KCNQ5: variants seen among roughly 807,000 people sequenced by gnomAD.
The protein encoded by KCNQ5 is potassium voltage-gated channel subfamily KQT member 5.
KCNQ5 carries 30 observed loss-of-function variants against 98.2 expected under a neutral mutation model. The observed-to-expected ratio is 0.31, with a 90% CI of 0.23 to 0.41. The LOEUF (loss-of-function observed/expected upper bound fraction) is 0.41. KCNQ5 is among the 10% of genes least tolerant of loss of function. The pLI, the probability that KCNQ5 is intolerant of heterozygous loss-of-function variation, is 1.00. For synonymous variants in KCNQ5, 458 were observed against 449.4 expected (o/e 1.02, Z -0.24); for missense variants, 835 against 1,182.5 (o/e 0.71, Z 4.31).
At chr6:72,920,857 GCTT>G (rs1447598233) in intron 1 of KCNQ5, among the ~76,000 whole-genome samples, 1 of 152,042 alleles carries the variant, frequency 6.6e-6, no homozygotes, top group Non-Finnish European at 1.5e-5. Flanking sequence ...CACCTATCTG[GCTT>G]CAATAGATGT....
intron 1 of KCNQ5, among the ~76,000 whole-genome samples, chr6:72,855,523 C>A (rs1562027049): frequency 2.0e-5 from 3 of 151,950 alleles, no homozygotes; most frequent in African/African-American, 4.8e-5. Flanking sequence ...TATTTGTAGA[C>A]AAAGCTAGAA....
At chr6:72,979,832 C>A (rs1192565474) in intron 1 of KCNQ5, among the ~76,000 whole-genome samples, 1 of 152,090 alleles carries the variant, frequency 6.6e-6, no homozygotes, top group Admixed American at 6.6e-5. Context: ...GTCTTTGATC[C>A]ATCTTGAATT....
At chr6:73,185,520 C>A (rs545074756) in intron 11 of KCNQ5, among the ~76,000 whole-genome samples, 1 of 152,228 alleles carries the variant, frequency 6.6e-6, no homozygotes, top group East Asian at 1.9e-4. Context: ...GAAAACACAG[C>A]AGGATTTCAG....
intron 1 of KCNQ5, among the ~76,000 whole-genome samples, chr6:72,914,290 A>T (rs1481294880): frequency 6.6e-6 from 1 of 152,096 alleles, no homozygotes; most frequent in Non-Finnish European, 1.5e-5. Context: ...GGAAGAAAGT[A>T]ATGAGGAACT....
At chr6:72,899,262 T>C (rs140079097) in intron 1 of KCNQ5, among the ~76,000 whole-genome samples, 21 of 152,214 alleles carry the variant, frequency 1.4e-4, no homozygotes, top group African/African-American at 4.8e-4. Flanking sequence ...TTTCTCAAAA[T>C]TCATTTCTAA....
intron 1 of KCNQ5, among the ~76,000 whole-genome samples, chr6:72,699,499 T>C (rs1020176499): frequency 6.6e-6 from 1 of 152,224 alleles, no homozygotes; most frequent in Non-Finnish European, 1.5e-5. Context: ...TTAAGTCTAA[T>C]GTTTTTTCTT....
chr6:72,636,172 A>G (rs1006243719), intron 1 of KCNQ5, among the ~76,000 whole-genome samples: 2 of 152,186 alleles, frequency 1.3e-5, no homozygotes, highest in African/African-American at 4.8e-5. Context: ...TTTTTATGCC[A>G]TGTGGAATTA....
chr6:72,943,619 C>G (rs1225520959), intron 1 of KCNQ5, among the ~76,000 whole-genome samples: 1 of 152,172 alleles, frequency 6.6e-6, no homozygotes, highest in African/African-American at 2.4e-5. Context: ...AATACCTTTT[C>G]AGCGCATTCA....
In KCNQ5 at chr6:73,151,302, A is replaced by C. The variant is rs563857625; in HGVS notation, c.1468+17661A>C. Among the ~76,000 whole-genome samples the C allele has an allele frequency of 2.0e-4, 31 of 152,268 alleles. No individual in the cohort carries two copies. In the South Asian group the frequency reaches 2.7e-3, roughly 13 times the overall value. ...TTTAGTTATTCCTCTTGATATTTAC[A>C]TATCTCCATATTTTTCCAATAATAT... On this transcript the variant is annotated intron_variant, in intron 10 of 13. Transcript: ENST00000370398.
chr6:73,173,810 A>G (rs1055831388), intron 11 of KCNQ5, among the ~76,000 whole-genome samples: 1 of 152,034 alleles, frequency 6.6e-6, no homozygotes, highest in Non-Finnish European at 1.5e-5. Context: ...AAAGAATGAC[A>G]CTAAAATAAC....
intron 5 of KCNQ5, among the ~76,000 whole-genome samples, chr6:73,093,250 T>C (rs942025749): frequency 1.3e-5 from 2 of 152,214 alleles, no homozygotes; most frequent in African/African-American, 2.4e-5. Context: ...TCAGTTGTAA[T>C]ATCTCCCATT....
At chr6:73,026,445 C>T (rs1770894134) in intron 2 of KCNQ5, among the ~76,000 whole-genome samples, 1 of 152,116 alleles carries the variant, frequency 6.6e-6, no homozygotes, top group Non-Finnish European at 1.5e-5. Context: ...GCTTGACTCC[C>T]TTAATAACTT....
intron 9 of KCNQ5, among the ~76,000 whole-genome samples, chr6:73,131,924 G>A (rs150614258): frequency 6.6e-6 from 1 of 152,284 alleles, no homozygotes. Context: ...GCATTTCAGA[G>A]GGGAGCTGTC....
intron 10 of KCNQ5, among the ~76,000 whole-genome samples, chr6:73,140,007 C>A (rs1405668952): frequency 6.6e-6 from 1 of 152,122 alleles, no homozygotes; most frequent in Non-Finnish European, 1.5e-5. Flanking sequence ...CTTCTCTTAA[C>A]TTCTACCTAG....
At chr6:73,071,561 G>A (rs1405730686) in intron 3 of KCNQ5, among the ~76,000 whole-genome samples, 1 of 152,220 alleles carries the variant, frequency 6.6e-6, no homozygotes, top group Non-Finnish European at 1.5e-5. Context: ...CATGGTGCCT[G>A]CATCTGCTCC....
chr6:72,883,359 CAA>C (rs964968700), intron 1 of KCNQ5, among the ~76,000 whole-genome samples: 8 of 151,898 alleles, frequency 5.3e-5, no homozygotes, highest in African/African-American at 1.9e-4. Context: ...CTTTGTAAAA[CAA>C]AGTGAGAAAT....
chr6:72,852,958 C>T (rs886135942), intron 1 of KCNQ5, among the ~76,000 whole-genome samples: 30 of 152,058 alleles, frequency 2.0e-4, no homozygotes, highest in African/African-American at 6.0e-4. Context: ...TCAGTGACAT[C>T]TCTTTTTAAA....
intron 1 of KCNQ5, among the ~76,000 whole-genome samples, chr6:72,722,580 G>A (rs1290948096): frequency 6.6e-6 from 1 of 152,122 alleles, no homozygotes; most frequent in Admixed American, 6.5e-5. Context: ...GTTTAGAGAT[G>A]CTCCACCTAG....
intron 1 of KCNQ5, among the ~76,000 whole-genome samples, chr6:72,809,015 G>A (rs956159697): frequency 3.3e-5 from 5 of 151,428 alleles, no homozygotes; most frequent in African/African-American, 1.2e-4. Flanking sequence ...CGATAGACTG[G>A]ATTAAGAAAA....
Sources: allele counts gnomAD v4.1 joint callset (sites outside exome capture counted in the v4.1 genomes callset), GRCh38; gene constraint gnomAD v4.1.1; transcripts MANE v1.5; gene names NCBI Gene and HGNC (gene_info 2026-07-23, HGNC 2026-07-21).